The following LZIC variants were observed in gnomAD, a reference collection of about 807,000 sequenced individuals.
LZIC encodes leucine zipper and CTNNBIP1 domain containing, also known as protein LZIC.
LZIC carries 28 observed loss-of-function variants against 25.4 expected under a neutral mutation model. The observed-to-expected ratio is 1.10, with a 90% CI of 0.82 to 1.51. The LOEUF is 1.51. Among genes scored for constraint, LZIC ranks in the 40% most tolerant of loss-of-function variants. The probability of loss-of-function intolerance (pLI) is 0.00; values close to 1 mark genes in which losing one functional copy is unlikely to be tolerated. For synonymous variants in LZIC, 65 were observed against 70.7 expected (o/e 0.92, Z 0.40); for missense variants, 170 against 211.1 (o/e 0.81, Z 1.21).
At chr1:9,943,008 C>A in intron 1 of LZIC, 1 of 332,122 alleles carries the variant, frequency 3.0e-6, no homozygotes, top group Non-Finnish European at 6.0e-6. Flanking sequence ...TGGCGTCAAA[C>A]CCAGAGGCTT....
downstream of LZIC, among the ~76,000 whole-genome samples, chr1:9,925,187 A>G (rs186968185): frequency 9.0e-3 from 1,363 of 151,412 alleles, 7 homozygotes; most frequent in Non-Finnish European, 0.015. Flanking sequence ...TTAGCTGGAC[A>G]TGGTGGCGCA....
In LZIC at chr1:9,928,220, G is replaced by A. The variant is rs1275467861; in HGVS notation, c.*2179C>T. On this transcript the variant is annotated 3_prime_UTR_variant, in exon 8 of 8. Coordinates refer to ENST00000377223, the MANE Select transcript of LZIC (RefSeq NM_032368.5). Reference sequence around the variant, plus strand: ...CCCAGCTACTCGGGAGGCTGAGGCAGGAGAATCGCTTGAACCTGGGAGGCA... The same window carrying A: ...CCCAGCTACTCGGGAGGCTGAGGCAAGAGAATCGCTTGAACCTGGGAGGCA... Among the ~76,000 whole-genome samples, 1 of 152,104 alleles carries A rather than the reference G, an allele frequency of 6.6e-6. No individual in the cohort carries two copies. The highest frequency in any genetic ancestry group is 1.5e-5 in the Non-Finnish European group (1 of 68,036).
intron 2 of LZIC, 88 bp from the exon 3 acceptor site, chr1:9,936,715 T>C: frequency 1.2e-6 from 1 of 850,084 alleles, no homozygotes; most frequent in Non-Finnish European, 1.9e-6. Flanking sequence ...AGACAGAGTC[T>C]CACTATGTTG....
chr1:9,930,349 ACACCATTTACATTAAGAATGTGAT>A lies in LZIC; in HGVS notation c.*26_*49del, dbSNP rs1264615955. 1 of 1,594,352 alleles carries A rather than the reference ACACCATTTACATTAAGAATGTGAT, an allele frequency of 6.3e-7. No individual in the cohort carries two copies. The highest frequency in any genetic ancestry group is 8.5e-7 in the Non-Finnish European group (1 of 1,171,434). ...AATAACTGAAAACCCCAGAAGAAAG[ACACCATTTACATTAAGAATGTGAT>A]CAATGTTACAAGCTTCTGCACCATG... On this transcript the variant is annotated 3_prime_UTR_variant, in exon 8 of 8. Coordinates refer to ENST00000377223, the MANE Select transcript of LZIC (RefSeq NM_032368.5).
At position 9,930,525 on chromosome 1, in the gene LZIC, G is replaced by C; in HGVS notation, c.515-68C>G. 1.9e-6 allele frequency: 3 copies of C among 1,595,006 alleles called. No individual in the cohort carries two copies. The South Asian group carries it at 3.3e-5, about 18-fold the overall frequency. Reference sequence around the variant, plus strand: ...TGCAGTTGCAATTCCTGGTAAAGTGGGAAAAAATCTATCATATAGATATTA... The same window carrying C: ...TGCAGTTGCAATTCCTGGTAAAGTGCGAAAAAATCTATCATATAGATATTA... On this transcript the variant is annotated intron_variant, in intron 7 of 7. Coordinates refer to ENST00000377223, the MANE Select transcript of LZIC (RefSeq NM_032368.5).
downstream of LZIC, chr1:9,922,453 T>A: frequency 2.7e-6 from 1 of 365,642 alleles, no homozygotes; most frequent in Non-Finnish European, 3.8e-6. Flanking sequence ...AGATTGACTT[T>A]AATGAGTAGC....
intron 7 of LZIC, 76 bp downstream of exon 7, chr1:9,931,815 C>T (rs1640223918): frequency 2.2e-6 from 2 of 930,106 alleles, no homozygotes; most frequent in African/African-American, 3.3e-5. Context: ...GTTATTTCAA[C>T]CACACTCTCC....
At chr1:9,938,041 TG>T in intron 2 of LZIC, among the ~76,000 whole-genome samples, 1 of 151,934 alleles carries the variant, frequency 6.6e-6, no homozygotes, top group Non-Finnish European at 1.5e-5. Flanking sequence ...TAAACAAATT[TG>T]GTAAATGGAA....
intron 2 of LZIC, among the ~76,000 whole-genome samples, chr1:9,941,433 G>A (rs1235781489): frequency 6.6e-6 from 1 of 151,572 alleles, no homozygotes; most frequent in Admixed American, 6.6e-5. Context: ...GACCTCAGGT[G>A]ATCCGCCTGC....
At position 9,929,823 on chromosome 1, in the gene LZIC, A is replaced by G. The variant is rs1192604598; in HGVS notation, c.*576T>C. ...TAAATGGTACAGAAATAAAATTCAA[A>G]AGATACTAAACTGGGAGTCAGGACA... On this transcript the variant is annotated 3_prime_UTR_variant, in exon 8 of 8. Coordinates refer to ENST00000377223, the MANE Select transcript of LZIC (RefSeq NM_032368.5). The G allele has an allele frequency of 1.0e-6, 1 of 984,024 alleles. No individual in the cohort carries two copies. Among genetic ancestry groups the G allele is most frequent in the Non-Finnish European group, 1.2e-6 (1 of 828,790 alleles). The allele number at this position is 984,024 out of a possible 1,614,324, so 61.0% of individuals were successfully genotyped here. A position where few individuals can be genotyped will look rare whatever the true frequency, so the allele number is the denominator to read the frequency against.
chr1:9,936,265 A>G (rs948935459), intron 3 of LZIC, among the ~76,000 whole-genome samples: 1 of 152,196 alleles, frequency 6.6e-6, no homozygotes, highest in African/African-American at 2.4e-5. Flanking sequence ...AAGACAAAGT[A>G]GGTGTTATTT....
chr1:9,923,319 C>T (rs1456895050), downstream of LZIC, among the ~76,000 whole-genome samples: 1 of 152,024 alleles, frequency 6.6e-6, no homozygotes, highest in Non-Finnish European at 1.5e-5. Context: ...AGTGATTCTC[C>T]CTGCCTCAGC....
intron 2 of LZIC, among the ~76,000 whole-genome samples, chr1:9,941,169 T>C (rs1640708821): frequency 1.2e-5 from 1 of 86,886 alleles, no homozygotes; most frequent in Non-Finnish European, 3.7e-5. Flanking sequence ...GATTTTACCT[T>C]TTCTTTCTTT....
chr1:9,928,838 C>T lies in LZIC; in HGVS notation c.*1561G>A, dbSNP rs1640096147. 2.0e-5 allele frequency: 3 copies of T among 146,434 alleles called. No homozygotes were observed. The South Asian group carries it at 6.5e-4, about 32-fold the overall frequency. The allele number at this position is 146,434 out of a possible 1,614,324, so 9.1% of individuals were successfully genotyped here. A position where few individuals can be genotyped will look rare whatever the true frequency, so the allele number is the denominator to read the frequency against. ...TTGAGATTGCGCCATTGCACTCCAG[C>T]CTGGGCAATAAGAGTAAAACTCTGT... On this transcript the variant is annotated 3_prime_UTR_variant, in exon 8 of 8. Coordinates refer to ENST00000377223, the MANE Select transcript of LZIC (RefSeq NM_032368.5).
intron 2 of LZIC, among the ~76,000 whole-genome samples, chr1:9,939,691 T>TA (rs1236257849): frequency 6.6e-6 from 1 of 152,184 alleles, no homozygotes. Context: ...ATTATGGCTT[T>TA]ATCACTGATA....
chr1:9,932,822 A>C lies in LZIC; in HGVS notation c.413T>G (p.Leu138Arg). 2 of 1,607,954 alleles carry C rather than the reference A, an allele frequency of 1.2e-6. No homozygotes were observed. The highest frequency in any genetic ancestry group is 1.7e-6 in the Non-Finnish European group (2 of 1,174,686). ...TGGTACCTTCTCTCCAAGTTTCCTA[A>C]GAGCTGTTAGTATCTCCACTTTCTG... ...TQQKVEILTA[L>R]RKLGEKLTAD... The change falls in exon 6 of 8, where the codon CTT becomes CGT. Residue 138 changes from leucine (L) to arginine (R), a missense_variant. Physicochemically the swap from Leu to Arg is moderately radical, Grantham distance 102. Transcript: ENST00000377223.
chr1:9,930,875 C>T (rs1388355885), intron 7 of LZIC, among the ~76,000 whole-genome samples: 1 of 151,954 alleles, frequency 6.6e-6, no homozygotes, highest in African/African-American at 2.4e-5. Flanking sequence ...CACGTGCCAC[C>T]ATGCCCAGCC....
chr1:9,930,588 T>A, intron 7 of LZIC, 131 bp from the exon 8 acceptor site: 2 of 1,292,058 alleles, frequency 1.5e-6, no homozygotes, highest in Non-Finnish European at 2.1e-6. Context: ...ATCAGTGTAT[T>A]AACCCCTACA....
Position 9,931,944 on chromosome 1 carries a change from G to A in LZIC, c.461C>T (p.Ser154Leu), listed in dbSNP as rs1157673225. 4 of 1,613,706 alleles carry A rather than the reference G, an allele frequency of 2.5e-6. No individual in the cohort carries two copies. The highest frequency in any genetic ancestry group is 3.4e-6 in the Non-Finnish European group (4 of 1,179,864). ...KLTADDEAFL[S>L]ANAGAILSQF... Reference sequence around the variant, plus strand: ...GCTGAGTATAGCACCTGCATTTGCTGACAAGAAGGCCTCATCATCTGCAGT... The same window carrying A: ...GCTGAGTATAGCACCTGCATTTGCTAACAAGAAGGCCTCATCATCTGCAGT... Residue 154 changes from serine to leucine, a missense_variant, in exon 7 of 8, where the codon TCA (serine) becomes TTA (leucine). Physicochemically the swap from Ser to Leu is moderately radical, Grantham distance 145. Coordinates refer to ENST00000377223, the MANE Select transcript of LZIC (RefSeq NM_032368.5).
Sources: gnomAD v4.1 joint callset for allele counts (sites outside exome capture counted in the v4.1 genomes callset) on GRCh38, gnomAD v4.1.1 for gene constraint, MANE v1.5 for transcripts, NCBI Gene and HGNC (gene_info 2026-07-23, HGNC 2026-07-21) for gene names.